SGO1: variants seen among roughly 807,000 people sequenced by gnomAD.
The protein encoded by SGO1 is serologically defined breast cancer antigen NY-BR-85.
In SGO1, 39 loss-of-function variants were observed where a neutral mutation model predicts 50.5. That is an observed-to-expected ratio of 0.77 (90% CI 0.60 to 1.01). The LOEUF is 1.01. Among genes scored for constraint, SGO1 ranks in the 50% least tolerant of loss-of-function variants. The pLI is 0.00. For synonymous variants in SGO1, 191 were observed against 205.1 expected (o/e 0.93, Z 0.59); for missense variants, 638 against 606.0 (o/e 1.05, Z -0.55).
Position 20,171,059 on chromosome 3 carries a change from C to T in SGO1, c.1456G>A (p.Glu486Lys). 6.3e-7 allele frequency: 1 copy of T among 1,595,114 alleles called. No homozygotes were observed. Among genetic ancestry groups the T allele is most frequent in the Non-Finnish European group, 8.5e-7 (1 of 1,175,112 alleles). ...RRCTASVNYK[E>K]PTLASKLRRG... is the part of the protein sequence containing the mutation. ...AATACTTACGAAGCGAGGGTGGGCT[C>T]CTTATAGTTCACGCTGGCTGTGCAC... is the stretch of plus-strand genomic sequence containing the variant. Residue 486 changes from glutamate to lysine, a missense_variant, in exon 7 of 8, where the codon GAG (glutamate) becomes AAG (lysine). Transcript: ENST00000412997.
At chr3:20,165,321 A>G (rs190312393), downstream of SGO1, among the ~76,000 whole-genome samples, 440 of 152,258 alleles carry the variant, frequency 2.9e-3, 2 homozygotes, top group African/African-American at 0.01. Context: ...TTCATGAGGG[A>G]CCTGTTCCCA....
downstream of SGO1, among the ~76,000 whole-genome samples, chr3:20,166,842 CAAAAAAAAAAAAAAAAAA>C (rs58288144): frequency 2.3e-5 from 1 of 42,736 alleles, no homozygotes; most frequent in Non-Finnish European, 4.1e-5. Flanking sequence ...CCATCTCTAC[CAAAAAAAAAAAAAAAAAA>C]AAAAAAAAAA....
chr3:20,163,870 C>A (rs562320360), intron 8 of SGO1, among the ~76,000 whole-genome samples: 1 of 152,258 alleles, frequency 6.6e-6, no homozygotes, highest in Admixed American at 6.5e-5. Flanking sequence ...CCTTGTATAA[C>A]ACAAATTAGC....
chr3:20,174,321 G>C lies in SGO1; in HGVS notation c.1210C>G (p.Leu404Val), dbSNP rs1701109448. 1 of 1,614,162 alleles carries C rather than the reference G, an allele frequency of 6.2e-7. No homozygotes were observed. The highest frequency in any genetic ancestry group is 1.1e-5 in the South Asian group (1 of 91,076). The change falls in exon 6 of 8, where the codon CTA becomes GTA. Residue 404 changes from leucine (L) to valine (V), a missense_variant. By Grantham distance (32) the Leu-to-Val change is conservative. Coordinates refer to ENST00000412997, the MANE Select transcript of SGO1 (RefSeq NM_001199251.3). Reference protein sequence around the residue: ...SNSDRPVTRPLAKRALKYTDE... With the variant: ...SNSDRPVTRPVAKRALKYTDE... ...GTGTATTTCAGTGCTCTTTTAGCTA[G>C]AGGCCTGGTGACTGGTCTATCTGAA...
chr3:20,169,894 G>C lies in SGO1; in HGVS notation c.*810C>G. On this transcript the variant is annotated 3_prime_UTR_variant, in exon 8 of 8. Coordinates refer to ENST00000412997, the MANE Select transcript of SGO1 (RefSeq NM_001199251.3). ...ACTTAGGGTGTACCCTACTGTAAAT[G>C]TCAAATATTTATTTTACTCGAATAC... is the stretch of plus-strand genomic sequence containing the variant. The C allele has an allele frequency of 1.0e-6, 1 of 982,662 alleles. No individual in the cohort carries two copies. The highest frequency in any genetic ancestry group is 1.1e-4 in the East Asian group (1 of 8,804). The allele number at this position is 982,662 out of a possible 1,614,324, so 60.9% of individuals were successfully genotyped here.
intron 3 of SGO1, 87 bp downstream of exon 3, chr3:20,183,521 G>A: frequency 9.4e-7 from 1 of 1,067,454 alleles, no homozygotes; most frequent in Non-Finnish European, 1.4e-6. Context: ...TGAGCTATCA[G>A]TAATTCATTT....
At chr3:20,175,239 G>C (rs935888480) in intron 5 of SGO1, among the ~76,000 whole-genome samples, 184 bp from the exon 6 acceptor site, 1 of 152,150 alleles carries the variant, frequency 6.6e-6, no homozygotes, top group Non-Finnish European at 1.5e-5. Flanking sequence ...ACTTGTCAGT[G>C]ATCAACTGAT....
intron 3 of SGO1, among the ~76,000 whole-genome samples, chr3:20,179,675 C>G (rs1380822138): frequency 6.6e-6 from 1 of 152,060 alleles, no homozygotes; most frequent in African/African-American, 2.4e-5. Flanking sequence ...GCGATCCTCT[C>G]ACCTCAGCCT....
At chr3:20,178,738 A>C (rs1264506663) in intron 3 of SGO1, among the ~76,000 whole-genome samples, 1 of 152,200 alleles carries the variant, frequency 6.6e-6, no homozygotes, top group Non-Finnish European at 1.5e-5. Context: ...TGGAAACAGC[A>C]AATACACATA....
intron 6 of SGO1, among the ~76,000 whole-genome samples, chr3:20,173,387 A>C (rs1394508729): frequency 2.0e-5 from 3 of 151,916 alleles, no homozygotes; most frequent in Non-Finnish European, 4.4e-5. Context: ...TGATCCGCCC[A>C]CCTCAGCCTC....
intron 3 of SGO1, among the ~76,000 whole-genome samples, chr3:20,182,565 C>T (rs1472865628): frequency 6.6e-6 from 1 of 151,996 alleles, no homozygotes; most frequent in Non-Finnish European, 1.5e-5. Context: ...TTACTTTTTT[C>T]GTAAGTAATG....
At chr3:20,178,053 C>A (rs1226629129) in intron 4 of SGO1, among the ~76,000 whole-genome samples, 2 of 151,820 alleles carry the variant, frequency 1.3e-5, no homozygotes, top group African/African-American at 2.4e-5. Context: ...TTTTCCTAGG[C>A]ATCAAAAAAG....
chr3:20,174,556 C>A lies in SGO1; in HGVS notation c.975G>T (p.Met325Ile), dbSNP rs1402685729. ...CATCATTGGAACTGACAGATTTGTG[C>A]ATTTTTTTTTGGGGAACAGTTTTTT... ...ENKKTVPQKK[M>I]HKSVSSNDAY... The change falls in exon 6 of 8, where the codon ATG becomes ATT. Residue 325 changes from methionine to isoleucine, a missense_variant. Physicochemically the swap from Met to Ile is conservative, Grantham distance 10. Transcript: ENST00000412997. 2.5e-6 allele frequency: 4 copies of A among 1,607,850 alleles called. No homozygotes were observed. The highest frequency in any genetic ancestry group is 3.4e-6 in the Non-Finnish European group (4 of 1,178,450).
At chr3:20,180,815 A>G (rs538573067) in intron 3 of SGO1, among the ~76,000 whole-genome samples, 5 of 152,384 alleles carry the variant, frequency 3.3e-5, no homozygotes, top group Non-Finnish European at 7.3e-5. Flanking sequence ...AAACAAAACA[A>G]CTAGAAATTT....
chr3:20,173,837 TCA>T (rs1365248900), intron 6 of SGO1, among the ~76,000 whole-genome samples: 1 of 152,196 alleles, frequency 6.6e-6, no homozygotes, highest in African/African-American at 2.4e-5. Context: ...TTATTTTAAA[TCA>T]CGGTTCCTGT....
At chr3:20,173,295 G>A (rs1182118804) in intron 6 of SGO1, among the ~76,000 whole-genome samples, 2 of 151,856 alleles carry the variant, frequency 1.3e-5, no homozygotes, top group African/African-American at 4.8e-5. Context: ...ATACCACCAG[G>A]CCTGGCTCAT....
intron 3 of SGO1, among the ~76,000 whole-genome samples, chr3:20,182,249 A>G (rs1702100458): frequency 6.6e-6 from 1 of 152,176 alleles, no homozygotes; most frequent in East Asian, 1.9e-4. Flanking sequence ...ATAAGGAATC[A>G]AAAGGGAAGC....
intron 6 of SGO1, among the ~76,000 whole-genome samples, 158 bp downstream of exon 6, chr3:20,174,091 C>T (rs1405975171): frequency 6.6e-6 from 1 of 152,170 alleles, no homozygotes. Flanking sequence ...CACCCAGCCC[C>T]CCACTGTTTA....
chr3:20,185,376 A>G (rs1326281161), intron 1 of SGO1, among the ~76,000 whole-genome samples: 1 of 152,166 alleles, frequency 6.6e-6, no homozygotes, highest in Admixed American at 6.5e-5. Context: ...GCCATATCAA[A>G]AGTTTTATAT....
Sources: allele counts gnomAD v4.1 joint callset (sites outside exome capture counted in the v4.1 genomes callset), GRCh38; gene constraint gnomAD v4.1.1; transcripts MANE v1.5; gene names NCBI Gene and HGNC (gene_info 2026-07-23, HGNC 2026-07-21).